The following NKD2 variants were observed in gnomAD, a reference collection of about 807,000 sequenced individuals.
The protein encoded by NKD2 is protein naked cuticle homolog 2.
A neutral mutation model predicts 34.8 loss-of-function variants in NKD2; 43 were observed. That is an observed-to-expected ratio of 1.24 (90% CI 0.97 to 1.60). The LOEUF is 1.60. Ranked by LOEUF, NKD2 falls within the 40% of genes most tolerant of loss-of-function variation. The probability of loss-of-function intolerance (pLI) is 0.00; values close to 1 mark genes in which losing one functional copy is unlikely to be tolerated. For synonymous variants in NKD2, 278 were observed against 265.1 expected, an observed-to-expected ratio of 1.05 and a Z score of -0.47; for missense variants, 675 against 627.1, an observed-to-expected ratio of 1.08 and a Z score of -0.82.
intron 3 of NKD2, among the ~76,000 whole-genome samples, chr5:1,012,523 G>T (rs1484860664): frequency 2.6e-5 from 4 of 152,216 alleles, no homozygotes; most frequent in Non-Finnish European, 5.9e-5. Flanking sequence ...GGAGCCAGGA[G>T]GACCACAGTC....
rs748845490 is a variant in NKD2, at chr5:1,038,201, C to T, written c.1184C>T (p.Pro395Leu). Residue 395 changes from proline (P) to leucine (L), a missense_variant, in exon 10 of 10, where the codon CCA becomes CTA. By Grantham distance (98) the Pro-to-Leu change is moderately conservative. Coordinates refer to ENST00000296849, the MANE Select transcript of NKD2 (RefSeq NM_033120.4). This position sits in a 1 kb window ranked among gnomAD's most constrained non-coding sequence, Gnocchi z 4.5. ...CAAAAGGGCAGGGAGGGCCACTCGCCACTCAAGGCCCCACACGCTCAGCCT... is the reference window on the plus strand; with the variant it reads ...CAAAAGGGCAGGGAGGGCCACTCGCTACTCAAGGCCCCACACGCTCAGCCT... Reference protein sequence around the residue: ...YRQKGREGHSPLKAPHAQPAT... With the variant: ...YRQKGREGHSLLKAPHAQPAT... 264 of 1,590,616 alleles carry T rather than the reference C, an allele frequency of 1.7e-4. No individual in the cohort carries two copies. The highest frequency in any genetic ancestry group is 2.1e-4 in the Non-Finnish European group (240 of 1,170,574).
intron 3 of NKD2, among the ~76,000 whole-genome samples, chr5:1,028,079 G>A (rs1227512210): frequency 1.3e-5 from 2 of 152,198 alleles, no homozygotes; most frequent in Non-Finnish European, 2.9e-5. Flanking sequence ...GCGTCTCTCC[G>A]TGCCTGGCCG....
At position 1,009,623 on chromosome 5, in the gene NKD2, C is replaced by A; in HGVS notation, c.141+63C>A. On this transcript the variant is annotated intron_variant, in intron 3 of 9. Coordinates refer to ENST00000296849, the MANE Select transcript of NKD2 (RefSeq NM_033120.4). This position sits in a 1 kb window ranked among gnomAD's most constrained non-coding sequence, Gnocchi z 6.9. ...CCCGCCCGGGGGCGGGGAGCGGTGT[C>A]AGAGCTGTTCCTGGTGCCCGCCCGC... 7.6e-7 allele frequency: 1 copy of A among 1,309,108 alleles called. No individual in the cohort carries two copies. Among genetic ancestry groups the A allele is most frequent in the South Asian group, 1.7e-5 (1 of 57,920 alleles). 81.1% of individuals were successfully genotyped at this position (1,309,108 alleles called of 1,614,324 possible).
intron 3 of NKD2, among the ~76,000 whole-genome samples, chr5:1,030,297 C>G (rs1756594462): frequency 6.6e-6 from 1 of 152,118 alleles, no homozygotes; most frequent in South Asian, 2.1e-4. Context: ...TGGCCCCCCT[C>G]CGCAGTGGCA....
At chr5:1,011,291 C>T (rs988684235) in intron 3 of NKD2, among the ~76,000 whole-genome samples, 2 of 152,184 alleles carry the variant, frequency 1.3e-5, no homozygotes, top group African/African-American at 4.8e-5. Flanking sequence ...ATGGAGACCC[C>T]AGGGCCCAGG....
Position 1,019,481 on chromosome 5 carries a change from G to A in NKD2, c.141+9921G>A, listed in dbSNP as rs145132101. 2.1e-3 allele frequency among the ~76,000 whole-genome samples: 324 copies of A among 152,334 alleles called. 1 individual carries two copies. Among genetic ancestry groups the A allele is most frequent in the African/African-American group, 7.4e-3 (306 of 41,576 alleles). ...TGCAGCCTCGGCCAATAGCAAAGCC[G>A]CAGGTGGCCACTGGGCCCTCCTTTC... On this transcript the variant is annotated intron_variant, in intron 3 of 9. Coordinates refer to ENST00000296849, the MANE Select transcript of NKD2 (RefSeq NM_033120.4).
intron 4 of NKD2, among the ~76,000 whole-genome samples, chr5:1,033,122 C>T (rs1455432541): frequency 6.6e-6 from 1 of 152,192 alleles, no homozygotes; most frequent in East Asian, 1.9e-4. Context: ...GTCTGCTGCA[C>T]CCCCAGCTCT....
intron 3 of NKD2, among the ~76,000 whole-genome samples, chr5:1,012,660 G>T (rs535652850): frequency 6.6e-6 from 1 of 152,386 alleles, no homozygotes; most frequent in African/African-American, 2.4e-5. Context: ...ACGGGAACTG[G>T]GCTCAGCCCC....
chr5:1,013,542 C>T (rs555828386), intron 3 of NKD2, among the ~76,000 whole-genome samples: 3 of 152,336 alleles, frequency 2.0e-5, no homozygotes, highest in African/African-American at 7.2e-5. Context: ...ACACCTGATG[C>T]CCAGCACCTG....
At chr5:1,016,450 T>A (rs1755955650) in intron 3 of NKD2, among the ~76,000 whole-genome samples, 1 of 152,244 alleles carries the variant, frequency 6.6e-6, no homozygotes, top group Non-Finnish European at 1.5e-5. Context: ...TGTTTTCCTT[T>A]TGTTCTGCAG....
intron 9 of NKD2, chr5:1,037,548 C>G: frequency 6.5e-7 from 1 of 1,535,874 alleles, no homozygotes; most frequent in Non-Finnish European, 8.7e-7. Context: ...AGAGAAGCTC[C>G]GCTCCCAGGA....
Position 1,034,341 on chromosome 5 carries a change from TTG to T in NKD2, c.426+15_426+16del, listed in dbSNP as rs1265991940. The T allele has an allele frequency of 3.7e-6, 6 of 1,607,102 alleles. No individual in the cohort carries two copies. The Admixed American group carries it at 5.0e-5, about 13-fold the overall frequency. On this transcript the variant is annotated intron_variant, in intron 6 of 9. Transcript: ENST00000296849. ...AAGGTCACCAGGGAGGTAGGTGAGC[TTG>T]TGTTTGCGTCAGGTCCACAGTAGTA...
intron 9 of NKD2, chr5:1,036,783 G>A: frequency 2.1e-6 from 1 of 467,800 alleles, no homozygotes; most frequent in Admixed American, 2.3e-5. Context: ...AGTGTGGATG[G>A]CCGGCAGTGT....
In NKD2 at chr5:1,024,489, A is replaced by G. The variant is rs373614845; in HGVS notation, c.142-7663A>G. Among the ~76,000 whole-genome samples, 29 of 30,874 alleles carry G rather than the reference A, an allele frequency of 9.4e-4. 1 individual carries two copies. The highest frequency in any genetic ancestry group is 3.4e-3 in the African/African-American group (28 of 8,292). The allele number at this position is 30,874 out of a possible 152,430, so 20.3% of individuals were successfully genotyped here. ...CCACCCGCTGTGGGCGTCCCAGCCC[A>G]TTGTCCCTGCTCTTCCCACCCTCTG... On this transcript the variant is annotated intron_variant, in intron 3 of 9. Coordinates refer to ENST00000296849, the MANE Select transcript of NKD2 (RefSeq NM_033120.4).
chr5:1,031,680 C>T (rs112407903), intron 3 of NKD2, among the ~76,000 whole-genome samples: 7 of 152,182 alleles, frequency 4.6e-5, no homozygotes, highest in South Asian at 4.1e-4. Flanking sequence ...CCCCATTTTC[C>T]GTAACTGGTC....
chr5:1,034,203 G>C lies in NKD2; in HGVS notation c.331-32G>C, dbSNP rs768633207. 3.6e-5 allele frequency: 55 copies of C among 1,542,368 alleles called. 2 individuals are homozygous for C. In the South Asian group the frequency reaches 5.5e-4, roughly 15 times the overall value. On this transcript the variant is annotated intron_variant, in intron 5 of 9. Transcript: ENST00000296849. ...GTTGGGCGTGTTGGCGTGGGTAGGAGGCGAGGTCCCGGCCCCCACGTCCCC... is the reference window on the plus strand; with the variant it reads ...GTTGGGCGTGTTGGCGTGGGTAGGACGCGAGGTCCCGGCCCCCACGTCCCC...
chr5:1,018,735 C>T (rs573650728), intron 3 of NKD2, among the ~76,000 whole-genome samples: 32 of 152,282 alleles, frequency 2.1e-4, no homozygotes, highest in South Asian at 1.5e-3. Flanking sequence ...GGTCAGGACC[C>T]TGCCAGGCCT....
intron 9 of NKD2, chr5:1,036,740 C>T (rs1733967214): frequency 4.1e-6 from 2 of 488,636 alleles, no homozygotes; most frequent in Non-Finnish European, 8.0e-6. Context: ...AGGGTGGAAT[C>T]ACCGGCTCAG....
chr5:1,029,660 A>G (rs1362749557), intron 3 of NKD2, among the ~76,000 whole-genome samples: 4 of 152,172 alleles, frequency 2.6e-5, no homozygotes, highest in Non-Finnish European at 4.4e-5. Context: ...CTCACTTGAC[A>G]TGTTCAGCAA....
Sources: allele counts gnomAD v4.1 joint callset (sites outside exome capture counted in the v4.1 genomes callset), GRCh38; gene constraint gnomAD v4.1.1; non-coding constraint Gnocchi (gnomAD v3.1); transcripts MANE v1.5; gene names NCBI Gene and HGNC (gene_info 2026-07-23, HGNC 2026-07-21).